XDH: variants seen among roughly 807,000 people sequenced by gnomAD.
XDH encodes xanthine dehydrogenase.
In XDH, 138 loss-of-function variants were observed where a neutral mutation model predicts 156.1. The ratio of observed to expected loss-of-function variants is 0.88; its 90% CI spans 0.77 to 1.02. XDH has a LOEUF of 1.02. Ranked by LOEUF, XDH falls within the 50% of genes least tolerant of loss-of-function variation. The pLI is 0.00. For synonymous variants in XDH, 669 were observed against 625.7 expected, an observed-to-expected ratio of 1.07 and a Z score of -1.03; for missense variants, 1,849 against 1,684.9, an observed-to-expected ratio of 1.10 and a Z score of -1.71.
chr2:31,372,170 G>C (rs564392667), intron 17 of XDH, 58 bp downstream of exon 17: 1 of 1,613,118 alleles, frequency 6.2e-7, no homozygotes, highest in Non-Finnish European at 8.5e-7. Context: ...AGTCTCCTGG[G>C]TACTCCCAGT....
At chr2:31,361,514 A>G (rs993632784) in intron 24 of XDH, among the ~76,000 whole-genome samples, 2 of 152,246 alleles carry the variant, frequency 1.3e-5, no homozygotes, top group South Asian at 4.1e-4. Flanking sequence ...CCAATAGCTT[A>G]TAAATGTCTT....
intron 15 of XDH, among the ~76,000 whole-genome samples, chr2:31,375,023 CTTTT>C (rs60340656): frequency 3.2e-5 from 3 of 92,338 alleles, no homozygotes; most frequent in African/African-American, 5.0e-5. Context: ...TTCTTTCTTT[CTTTT>C]TTTTTTTTTT....
intron 2 of XDH, among the ~76,000 whole-genome samples, chr2:31,404,961 G>C (rs751059195): frequency 6.6e-6 from 1 of 152,178 alleles, no homozygotes; most frequent in Non-Finnish European, 1.5e-5. Context: ...AGACACCCCC[G>C]CTAGGAGAAG....
In XDH at chr2:31,343,308, A is replaced by ATATATATATATATATGCATGTT. The variant is rs1553411657; in HGVS notation, c.3405-1012_3405-1011insAACATGCATATATATATATATA. ...ACCATATATATATATATATATATATATATATATATATATATATATGCATGT... is the reference window on the plus strand; with the variant it reads ...ACCATATATATATATATATATATATATATATATATATATATGCATGTTTATATATATATATATATATGCATGT... On this transcript the variant is annotated intron_variant, in intron 31 of 35. Coordinates refer to ENST00000379416, the MANE Select transcript of XDH (RefSeq NM_000379.4). Among the ~76,000 whole-genome samples the ATATATATATATATATGCATGTT allele has an allele frequency of 1.8e-3, 182 of 98,400 alleles. No homozygotes were observed. The East Asian group carries it at 0.019, about 10-fold the overall frequency. The allele number at this position is 98,400 out of a possible 152,430, so 64.6% of individuals were successfully genotyped here. A position where few individuals can be genotyped will look rare whatever the true frequency, so the allele number is the denominator to read the frequency against.
chr2:31,372,084 TC>T (rs1558691932), intron 17 of XDH, 143 bp downstream of exon 17: 2 of 1,230,676 alleles, frequency 1.6e-6, no homozygotes, highest in Non-Finnish European at 1.2e-6. Context: ...TATAAGGTCT[TC>T]CCCTCTCTCT....
At chr2:31,394,860 C>G (rs189886265) in intron 6 of XDH, among the ~76,000 whole-genome samples, 2 of 152,150 alleles carry the variant, frequency 1.3e-5, no homozygotes, top group African/African-American at 2.4e-5. Flanking sequence ...TTGTTATAAG[C>G]GTTTTCAATC....
chr2:31,376,660 T>C (rs1167261174), intron 14 of XDH, among the ~76,000 whole-genome samples: 2 of 149,840 alleles, frequency 1.3e-5, no homozygotes, highest in Non-Finnish European at 3.0e-5. Context: ...GCAGTGATCA[T>C]AGCTGCAGTG....
At position 31,360,102 on chromosome 2, in the gene XDH, C is replaced by A. The variant is rs527261593; in HGVS notation, c.2631+4056G>T. Among the ~76,000 whole-genome samples the A allele has an allele frequency of 1.5e-3, 236 of 152,356 alleles. 1 individual carries two copies. Among genetic ancestry groups the A allele is most frequent in the Non-Finnish European group, 2.5e-3 (171 of 68,038 alleles). ...CAGTTTTAGAGCACAGGAGCAGTAA[C>A]CCCCTTTATCTGCAATTTCACTTTC... On this transcript the variant is annotated intron_variant, in intron 24 of 35. Coordinates refer to ENST00000379416, the MANE Select transcript of XDH (RefSeq NM_000379.4).
At chr2:31,380,065 T>C (rs1010291195) in intron 12 of XDH, 89 bp from the exon 13 acceptor site, 18 of 1,278,192 alleles carry the variant, frequency 1.4e-5, no homozygotes, top group Non-Finnish European at 1.9e-5. Flanking sequence ...AGTGGGATTC[T>C]TCATGCTGGT....
Position 31,337,744 on chromosome 2 carries a change from C to G in XDH, c.3848G>C (p.Arg1283Pro), listed in dbSNP as rs764753696. The change falls in exon 35 of 36, where the codon CGA becomes CCA. Residue 1283 changes from arginine (R) to proline (P), a missense_variant. Physicochemically the swap from Arg to Pro is moderately radical, Grantham distance 103 (BLOSUM62 -2). Transcript: ENST00000379416. ...CACGTTATTACCTGTGTGCTGAGCT[C>G]GAGCTGCACGGATGGCATCTTTGAT... The part of the protein sequence containing the change: ...FAIKDAIRAA[R>P]AQHTGNNVKE... The G allele has an allele frequency of 6.2e-7, 1 of 1,614,092 alleles. No individual in the cohort carries two copies. Among genetic ancestry groups the G allele is most frequent in the Non-Finnish European group, 8.5e-7 (1 of 1,180,040 alleles).
intron 30 of XDH, 79 bp downstream of exon 30, chr2:31,346,690 T>G: frequency 6.5e-7 from 1 of 1,534,402 alleles, no homozygotes; most frequent in Non-Finnish European, 9.0e-7. Flanking sequence ...CTCCTATTAC[T>G]TGTTCGGATT....
At chr2:31,345,918 C>A (rs1685276031) in intron 30 of XDH, among the ~76,000 whole-genome samples, 1 of 151,992 alleles carries the variant, frequency 6.6e-6, no homozygotes, top group South Asian at 2.1e-4. Context: ...ATGCTAAAAC[C>A]CAACTACCAA....
chr2:31,363,713 G>A (rs45539133), intron 24 of XDH, among the ~76,000 whole-genome samples: 10 of 151,978 alleles, frequency 6.6e-5, no homozygotes, highest in South Asian at 6.2e-4. Flanking sequence ...CAGTGTGTAC[G>A]CCTCTCAATA....
At chr2:31,385,724 A>G (rs1686570048) in intron 9 of XDH, among the ~76,000 whole-genome samples, 1 of 152,222 alleles carries the variant, frequency 6.6e-6, no homozygotes, top group South Asian at 2.1e-4. Flanking sequence ...TGAGTCTCCC[A>G]GCCTGTTCAA....
intron 35 of XDH, among the ~76,000 whole-genome samples, chr2:31,336,344 C>A (rs1336685835): frequency 6.6e-6 from 1 of 152,174 alleles, no homozygotes; most frequent in African/African-American, 2.4e-5. Context: ...ATTTTTAAAT[C>A]GCTGGTATGT....
intron 6 of XDH, among the ~76,000 whole-genome samples, chr2:31,392,469 G>A (rs1336729157): frequency 6.6e-6 from 1 of 151,778 alleles, no homozygotes; most frequent in African/African-American, 2.4e-5. Flanking sequence ...CTGTCACCCA[G>A]GCTGGAGTGC....
At chr2:31,375,600 A>C (rs371038470) in intron 14 of XDH, 46 bp from the exon 15 acceptor site, 3 of 1,599,292 alleles carry the variant, frequency 1.9e-6, no homozygotes, top group Non-Finnish European at 1.7e-6. Flanking sequence ...CCAGCCCTCC[A>C]GACCCCTTTG....
intron 26 of XDH, among the ~76,000 whole-genome samples, 181 bp from the exon 27 acceptor site, chr2:31,349,161 G>A (rs797006679): frequency 6.6e-6 from 1 of 152,304 alleles, no homozygotes; most frequent in South Asian, 2.1e-4. Flanking sequence ...AGTGCAACCC[G>A]TACTGGGTCA....
intron 17 of XDH, among the ~76,000 whole-genome samples, chr2:31,370,913 C>T (rs1326565294): frequency 6.6e-6 from 1 of 152,186 alleles, no homozygotes; most frequent in African/African-American, 2.4e-5. Flanking sequence ...TCTCCAAGTA[C>T]AAGCAAGCCA....
Sources: gnomAD v4.1 joint callset for allele counts (sites outside exome capture counted in the v4.1 genomes callset) on GRCh38, gnomAD v4.1.1 for gene constraint, MANE v1.5 for transcripts, NCBI Gene and HGNC (gene_info 2026-07-23, HGNC 2026-07-21) for gene names.